Variants in DMBT1 observed in about 807,000 individuals in gnomAD.
The protein encoded by DMBT1 is deleted in malignant brain tumors 1.
Under a neutral mutation model 252.9 loss-of-function variants are expected in DMBT1, and 198 were observed. The observed-to-expected ratio is 0.78, with a 90% CI of 0.70 to 0.88. The LOEUF is 0.88. Among genes scored for constraint, DMBT1 ranks in the 40% least tolerant of loss-of-function variants. The pLI is 0.00. For missense variants in DMBT1, 2,432 were observed against 2,404.7 expected (o/e 1.01, Z -0.24); for synonymous variants, 990 against 942.7 (o/e 1.05, Z -0.92).
At chr10:122,588,828 C>A (rs539131526) in intron 16 of DMBT1, 116 bp from the exon 17 acceptor site, 2 of 1,514,656 alleles carry the variant, frequency 1.3e-6, no homozygotes, top group Non-Finnish European at 1.8e-6. Context: ...CATCTTTAAT[C>A]GTGACTGCCT....
At chr10:122,576,744 G>C in intron 7 of DMBT1, 22 bp downstream of exon 7, 1 of 1,613,614 alleles carries the variant, frequency 6.2e-7, no homozygotes, top group Non-Finnish European at 8.5e-7. Context: ...GATCTCTGGA[G>C]GGTTGGGTGT....
In DMBT1 at chr10:122,641,172, C is replaced by T. The variant is rs891446105; in HGVS notation, c.7352+723C>T. ...TCAGGCCAGAGATGTCAGGCTGGGG[C>T]CAGAGGGTGTGCAGGCTGGGCTGCT... On this transcript the variant is annotated intron_variant, in intron 55 of 55. Coordinates refer to ENST00000338354, the MANE Select transcript of DMBT1 (RefSeq NM_001377530.1). Among the ~76,000 whole-genome samples the T allele has an allele frequency of 3.5e-4, 53 of 152,086 alleles. 1 individual carries two copies. Among genetic ancestry groups the T allele is most frequent in the Non-Finnish European group, 1.0e-4 (7 of 68,018 alleles).
chr10:122,589,889 G>T (rs1318688902), intron 17 of DMBT1, among the ~76,000 whole-genome samples: 4 of 148,522 alleles, frequency 2.7e-5, no homozygotes, highest in African/African-American at 9.7e-5. Flanking sequence ...GGCACATCAG[G>T]CCTCACCTCT....
In DMBT1 at chr10:122,588,835, G is replaced by A. The variant is rs1019352471; in HGVS notation, c.1784-109G>A. 18 of 1,537,422 alleles carry A rather than the reference G, an allele frequency of 1.2e-5. 1 individual carries two copies. In the Admixed American group the frequency reaches 2.6e-4, roughly 22 times the overall value. On this transcript the variant is annotated intron_variant, in intron 16 of 55. Coordinates refer to ENST00000338354, the MANE Select transcript of DMBT1 (RefSeq NM_001377530.1). ...GTTGCAGTCATCTTTAATCGTGACT[G>A]CCTGCCCAGGTGACTTTGGCCATTA...
chr10:122,585,162 A>G, intron 14 of DMBT1, 109 bp from the exon 15 acceptor site: 1 of 1,387,492 alleles, frequency 7.2e-7, no homozygotes, highest in Non-Finnish European at 1.0e-6. Context: ...AGTGGCAGGA[A>G]TCAGAAGTGG....
Position 122,567,643 on chromosome 10 carries a change from C to G in DMBT1, c.91+1647C>G, listed in dbSNP as rs1312510398. On this transcript the variant is annotated intron_variant, in intron 2 of 55. Transcript: ENST00000338354. ...TGTCAGGACGGTGGGCTGCACCCCT[C>G]AGGACCTGTACCTATTTTCCTCACA... 3.3e-5 allele frequency among the ~76,000 whole-genome samples: 5 copies of G among 152,196 alleles called. No individual in the cohort carries two copies. The East Asian group carries it at 9.7e-4, about 29-fold the overall frequency.
chr10:122,599,228 C>T, intron 26 of DMBT1, 131 bp downstream of exon 26: 1 of 1,502,534 alleles, frequency 6.7e-7, no homozygotes, highest in Non-Finnish European at 8.9e-7. Flanking sequence ...CTTGTTAGCT[C>T]TCTGCTAAGA....
intron 47 of DMBT1, 31 bp downstream of exon 47, chr10:122,630,024 T>C (rs1160553145): frequency 5.6e-6 from 9 of 1,612,366 alleles, no homozygotes; most frequent in South Asian, 1.1e-5. Flanking sequence ...TGGTGAGGGG[T>C]GAGTTCCTCT....
intron 42 of DMBT1, among the ~76,000 whole-genome samples, chr10:122,619,789 C>G (rs112449598): frequency 0.06 from 9,197 of 152,274 alleles, 311 homozygotes; most frequent in South Asian, 0.13. Context: ...TTCAAATACC[C>G]CAGATTTTGC....
intron 45 of DMBT1, 137 bp from the exon 46 acceptor site, chr10:122,625,796 C>T: frequency 2.7e-6 from 2 of 746,782 alleles, no homozygotes; most frequent in Non-Finnish European, 4.8e-6. Context: ...TGGCCATGAA[C>T]AGTGTAAACT....
chr10:122,599,998 C>A (rs1385667542), intron 26 of DMBT1, 66 bp from the exon 27 acceptor site: 8 of 1,587,730 alleles, frequency 5.0e-6, no homozygotes, highest in African/African-American at 2.7e-5. Context: ...TTCTTTCCCT[C>A]CTCGTTCCAC....
intron 3 of DMBT1, 100 bp from the exon 4 acceptor site, chr10:122,570,790 C>A: frequency 7.1e-7 from 1 of 1,405,638 alleles, no homozygotes; most frequent in Non-Finnish European, 1.0e-6. Flanking sequence ...CCCTTAGGAT[C>A]TGTGTTTCCA....
chr10:122,567,626 C>T (rs866023722), intron 2 of DMBT1, among the ~76,000 whole-genome samples: 2 of 152,166 alleles, frequency 1.3e-5, no homozygotes, highest in African/African-American at 2.4e-5. Flanking sequence ...ACTGTCAGGA[C>T]GGTGGGCTGC....
In DMBT1 at chr10:122,570,208, A is replaced by G; in HGVS notation, c.138A>G (p.Glu46=). ...SEVPLDPTVA[E]GSPFPSESTL... ...TGCCCTTGGATCCAACTGTAGCAGA[A>G]GGTAAGGTCTATTATGGGGGAACCC... Residue 46 remains glutamate (E), a splice_region_variant and synonymous_variant, in exon 3 of 56, where the codon GAA becomes GAG. Coordinates refer to ENST00000338354, the MANE Select transcript of DMBT1 (RefSeq NM_001377530.1). The G allele has an allele frequency of 6.3e-7, 1 of 1,584,510 alleles. No individual in the cohort carries two copies. Among genetic ancestry groups the G allele is most frequent in the Non-Finnish European group, 8.7e-7 (1 of 1,153,282 alleles).
At chr10:122,588,211 CA>C (rs1269254864) in intron 16 of DMBT1, among the ~76,000 whole-genome samples, 1 of 148,200 alleles carries the variant, frequency 6.7e-6, no homozygotes, top group Non-Finnish European at 1.5e-5. Context: ...TACTTCTGGA[CA>C]AATGTTTTTT....
intron 7 of DMBT1, among the ~76,000 whole-genome samples, chr10:122,577,096 A>G (rs538173876): frequency 6.6e-6 from 1 of 152,330 alleles, no homozygotes; most frequent in East Asian, 1.9e-4. Context: ...CAGTGTTCAG[A>G]CACAGGGTCC....
rs1448143213 is a variant in DMBT1 at position 122,636,007 on chromosome 10, A to G, written c.6565A>G (p.Asn2189Asp). Reference protein sequence around the residue: ...FRDVQLEGGCNYDYIEVFDGP... With the variant: ...FRDVQLEGGCDYDYIEVFDGP... ...TCTCTGCAGGCTTGAAGGTGGCTGCAACTATGATTATATTGAAGTTTTCGA... is the reference window on the plus strand; with the variant it reads ...TCTCTGCAGGCTTGAAGGTGGCTGCGACTATGATTATATTGAAGTTTTCGA... The change falls in exon 53 of 56, where the codon AAC (asparagine) becomes GAC (aspartate). Residue 2189 changes from asparagine to aspartate, a missense_variant. By Grantham distance (23) the Asn-to-Asp change is conservative (BLOSUM62 1). This residue lies in a region of DMBT1 where 1,162 missense variants were observed against 1,169.0 expected (regional missense o/e 0.99). Coordinates refer to ENST00000338354, the MANE Select transcript of DMBT1 (RefSeq NM_001377530.1). The G allele has an allele frequency of 6.2e-7, 1 of 1,613,860 alleles. No homozygotes were observed. Among genetic ancestry groups the G allele is most frequent in the Non-Finnish European group, 8.5e-7 (1 of 1,179,892 alleles).
intron 52 of DMBT1, among the ~76,000 whole-genome samples, 178 bp downstream of exon 52, chr10:122,633,519 C>T (rs2098183879): frequency 6.6e-6 from 1 of 152,164 alleles, no homozygotes; most frequent in African/African-American, 2.4e-5. Flanking sequence ...TTGACCTAGC[C>T]CAGAGGCATC....
rs1442399540 is a variant in DMBT1 at position 122,643,244 on chromosome 10, T to A, written c.7475T>A (p.Val2492Glu). 10 of 1,613,714 alleles carry A rather than the reference T, an allele frequency of 6.2e-6. No homozygotes were observed. Among genetic ancestry groups the A allele is most frequent in the Non-Finnish European group, 8.5e-6 (10 of 1,179,864 alleles). The change falls in exon 56 of 56, where the codon GTG becomes GAG. Residue 2492 changes from valine (V) to glutamate (E), a missense_variant. Around this residue, in one of 3 missense-constraint regions of DMBT1, gnomAD observed 1,162 missense variants for 1,169.0 expected, o/e 0.99. Coordinates refer to ENST00000338354, the MANE Select transcript of DMBT1 (RefSeq NM_001377530.1). ...FPSVYLRCKM[V>E]VCRAYDPSSR... ...TCCGTGTACCTGCGTTGTAAAATGGTGGTGTGCAGAGCGTATGACCCCTCT... is the reference window on the plus strand; with the variant it reads ...TCCGTGTACCTGCGTTGTAAAATGGAGGTGTGCAGAGCGTATGACCCCTCT...
Sources: gnomAD v4.1 joint callset for allele counts (sites outside exome capture counted in the v4.1 genomes callset) on GRCh38, gnomAD v4.1.1 for gene constraint, gnomAD v4.1.1 regional missense constraint, MANE v1.5 for transcripts, NCBI Gene and HGNC (gene_info 2026-07-23, HGNC 2026-07-21) for gene names.